The following DPP6 variants were observed in gnomAD, a reference collection of about 807,000 sequenced individuals.
DPP6 encodes the protein A-type potassium channel modulatory protein DPP6.
A neutral mutation model predicts 122.6 loss-of-function variants in DPP6; 69 were observed. The ratio of observed to expected loss-of-function variants is 0.56; its 90% CI spans 0.46 to 0.69. The LOEUF is 0.69. DPP6 is among the 30% of genes least tolerant of loss of function. DPP6 has a pLI of 0.00. For synonymous variants in DPP6, 418 were observed against 433.1 expected, an observed-to-expected ratio of 0.97 and a Z score of 0.43; for missense variants, 928 against 1,116.9, an observed-to-expected ratio of 0.83 and a Z score of 2.41.
At chr7:153,950,656 G>C (rs1466629570) in intron 1 of DPP6, among the ~76,000 whole-genome samples, 1 of 152,166 alleles carries the variant, frequency 6.6e-6, no homozygotes, top group African/African-American at 2.4e-5. Context: ...CTGTAGCATT[G>C]CTTACAGAGA....
At chr7:154,491,505 C>T (rs1017528145) in intron 3 of DPP6, among the ~76,000 whole-genome samples, 2 of 152,164 alleles carry the variant, frequency 1.3e-5, no homozygotes, top group African/African-American at 2.4e-5. Context: ...ACCCATCCCC[C>T]GCCCCTTGTT....
chr7:154,452,904 A>C (rs761301512), intron 2 of DPP6, among the ~76,000 whole-genome samples: 1 of 152,252 alleles, frequency 6.6e-6, no homozygotes, highest in Non-Finnish European at 1.5e-5. Flanking sequence ...CCAAGTGAGA[A>C]TATGTCCCTT....
intron 4 of DPP6, among the ~76,000 whole-genome samples, chr7:154,544,110 C>G (rs1226921126): frequency 2.1e-5 from 3 of 141,790 alleles, no homozygotes; most frequent in Admixed American, 1.4e-4. Context: ...ATATATAAAA[C>G]AAATATATAT....
intron 7 of DPP6, among the ~76,000 whole-genome samples, chr7:154,693,988 C>T (rs1269623199): frequency 2.0e-5 from 3 of 152,176 alleles, no homozygotes; most frequent in Admixed American, 6.5e-5. Flanking sequence ...CTAACAATAT[C>T]GTAGACTGGG....
chr7:154,104,222 G>A (rs1327512892), intron 1 of DPP6, among the ~76,000 whole-genome samples: 2 of 152,224 alleles, frequency 1.3e-5, no homozygotes, highest in African/African-American at 2.4e-5. Context: ...ACCTGTAGCT[G>A]ATGGATAATC....
chr7:154,303,834 G>T (rs1016507936), intron 1 of DPP6, among the ~76,000 whole-genome samples: 3 of 152,192 alleles, frequency 2.0e-5, no homozygotes, highest in African/African-American at 7.2e-5. Context: ...CAGCCACTCT[G>T]CCGTGACCTG....
At chr7:153,952,487 T>G (rs1023932566) in intron 1 of DPP6, among the ~76,000 whole-genome samples, 4 of 152,238 alleles carry the variant, frequency 2.6e-5, no homozygotes, top group African/African-American at 9.6e-5. Context: ...GAAAGTGTTT[T>G]ATTATTTTTT....
At chr7:154,367,148 C>T (rs773480499) in intron 1 of DPP6, among the ~76,000 whole-genome samples, 26 of 152,086 alleles carry the variant, frequency 1.7e-4, no homozygotes, top group Non-Finnish European at 2.8e-4. Context: ...AATAATGGGG[C>T]GCATTAGCAG....
At chr7:154,738,587 T>G (rs1842678376) in intron 8 of DPP6, among the ~76,000 whole-genome samples, 1 of 152,132 alleles carries the variant, frequency 6.6e-6, no homozygotes, top group South Asian at 2.1e-4. Context: ...CTGGTGGAAG[T>G]TGGAGTGAGG....
At chr7:154,101,925 T>C (rs1199946618) in intron 1 of DPP6, among the ~76,000 whole-genome samples, 1 of 103,304 alleles carries the variant, frequency 9.7e-6, no homozygotes, top group East Asian at 2.9e-4. Flanking sequence ...CAAAACTCCA[T>C]ACTCCATCTC....
intron 1 of DPP6, among the ~76,000 whole-genome samples, chr7:154,253,352 TG>T (rs1195403857): frequency 5.3e-5 from 8 of 152,094 alleles, no homozygotes; most frequent in Admixed American, 1.3e-4. Flanking sequence ...GATACAGGTG[TG>T]GGGGGTGAGG....
At chr7:154,418,414 C>A (rs1817201800) in intron 1 of DPP6, among the ~76,000 whole-genome samples, 1 of 152,188 alleles carries the variant, frequency 6.6e-6, no homozygotes, top group Non-Finnish European at 1.5e-5. Context: ...ACAGTAGGTG[C>A]TTAATAAATA....
chr7:153,951,780 C>A (rs575443618), intron 1 of DPP6, among the ~76,000 whole-genome samples: 2 of 152,200 alleles, frequency 1.3e-5, no homozygotes, highest in African/African-American at 4.8e-5. Flanking sequence ...CAGTGGCTTA[C>A]ACCTCTAATC....
At chr7:153,825,750 G>A in the DPP6 span, among the ~76,000 whole-genome samples, 2 of 151,990 alleles carry the variant, frequency 1.3e-5, no homozygotes, top group East Asian at 1.9e-4. Context: ...TAGTAGAAAC[G>A]AGGTTTTGCC....
At chr7:154,828,888 T>C (rs940843) in intron 16 of DPP6, among the ~76,000 whole-genome samples, 123,085 of 152,118 alleles carry the variant, frequency 0.81, 49,918 homozygotes, top group Non-Finnish European at 0.84. Context: ...CCTCAGAATT[T>C]GTTTTTTAGT....
chr7:154,683,636 T>A (rs1027963344), intron 7 of DPP6, among the ~76,000 whole-genome samples: 3 of 152,158 alleles, frequency 2.0e-5, no homozygotes, highest in Admixed American at 6.5e-5. Context: ...CATTTTCCCA[T>A]GTAAAATCCT....
rs1301724493 is a variant in DPP6 at position 154,821,685 on chromosome 7, CAT to C, written c.1666+14583_1666+14584del. Reference sequence around the variant, plus strand: ...ATATACACATATATATATACACACACATATATATATACACACACACATATATA... The same window carrying C: ...ATATACACATATATATATACACACACATATATATACACACACACATATATA... On this transcript the variant is annotated intron_variant, in intron 16 of 25. Transcript: ENST00000377770. This position sits in a 1 kb window ranked among gnomAD's most constrained non-coding sequence, Gnocchi z 4.2. 1.2e-4 allele frequency among the ~76,000 whole-genome samples: 17 copies of C among 138,864 alleles called. No homozygotes were observed. Among genetic ancestry groups the C allele is most frequent in the Middle Eastern group, 3.5e-3 (1 of 288 alleles). 91.1% of individuals were successfully genotyped at this position (138,864 alleles called of 152,430 possible).
At chr7:153,843,122 G>A in the DPP6 span, among the ~76,000 whole-genome samples, 27 of 151,110 alleles carry the variant, frequency 1.8e-4, no homozygotes, top group African/African-American at 5.6e-4. Flanking sequence ...ATACACATGC[G>A]CATACACACT....
chr7:154,044,508 A>C (rs1799921150), intron 1 of DPP6, among the ~76,000 whole-genome samples: 1 of 152,142 alleles, frequency 6.6e-6, no homozygotes, highest in African/African-American at 2.4e-5. Flanking sequence ...TTTAAGATCT[A>C]TTGTGTGTAT....
Sources: allele counts gnomAD v4.1 joint callset (sites outside exome capture counted in the v4.1 genomes callset), GRCh38; gene constraint gnomAD v4.1.1; non-coding constraint Gnocchi (gnomAD v3.1); transcripts MANE v1.5; gene names NCBI Gene and HGNC (gene_info 2026-07-23, HGNC 2026-07-21).